The following STXBP3 variants were observed in gnomAD, a reference collection of about 807,000 sequenced individuals.
The protein encoded by STXBP3 is syntaxin-binding protein 3.
In STXBP3, 41 loss-of-function variants were observed where a neutral mutation model predicts 85.7. The observed-to-expected ratio is 0.48, with a 90% CI of 0.37 to 0.62. The LOEUF (loss-of-function observed/expected upper bound fraction) is 0.62, where lower values mean the gene tolerates loss of function less well. Ranked by LOEUF, STXBP3 falls within the 20% of genes least tolerant of loss-of-function variation. The pLI is 0.00. For missense variants in STXBP3, 563 were observed against 703.1 expected (o/e 0.80, Z 2.25); for synonymous variants, 229 against 231.7 (o/e 0.99, Z 0.10).
intron 6 of STXBP3, among the ~76,000 whole-genome samples, chr1:108,764,645 T>C (rs1662218831): frequency 6.6e-6 from 1 of 152,234 alleles, no homozygotes; most frequent in African/African-American, 2.4e-5. Context: ...TCTTTAATGA[T>C]CAGTGATTTG....
Position 108,752,696 on chromosome 1 carries a change from A to G in STXBP3, c.100-367A>G, listed in dbSNP as rs140542239. Among the ~76,000 whole-genome samples the G allele has an allele frequency of 9.2e-5, 14 of 152,306 alleles. No homozygotes were observed. In the East Asian group the frequency reaches 2.7e-3, roughly 29 times the overall value. The stretch of plus-strand genomic sequence containing the variant: ...AAAAATGGTGATGGTAATACCTCAT[A>G]TGGTAATTGTAAATATGAGGTGAAT... On this transcript the variant is annotated intron_variant, in intron 2 of 18. Transcript: ENST00000370008.
chr1:108,769,607 A>C (rs1007374749), intron 6 of STXBP3, among the ~76,000 whole-genome samples: 1 of 152,204 alleles, frequency 6.6e-6, no homozygotes, highest in Non-Finnish European at 1.5e-5. Context: ...AGGTTTATAA[A>C]GATGAAAAAA....
intron 3 of STXBP3, among the ~76,000 whole-genome samples, chr1:108,753,987 T>A (rs1661965222): frequency 2.0e-5 from 3 of 152,004 alleles, no homozygotes; most frequent in South Asian, 4.1e-4. Context: ...CTCAAGAAAG[T>A]CTGACCATAT....
At chr1:108,774,707 G>A (rs1383055605) in intron 7 of STXBP3, among the ~76,000 whole-genome samples, 2 of 145,022 alleles carry the variant, frequency 1.4e-5, no homozygotes, top group Non-Finnish European at 3.0e-5. Flanking sequence ...TCAAACTCCT[G>A]GGCTCAAGCA....
At chr1:108,750,965 G>T (rs1412612483) in intron 1 of STXBP3, among the ~76,000 whole-genome samples, 1 of 152,212 alleles carries the variant, frequency 6.6e-6, no homozygotes, top group African/African-American at 2.4e-5. Flanking sequence ...CTAAGCATAG[G>T]TGCTTCTATC....
In STXBP3 at chr1:108,771,627, TC is replaced by T. The variant is rs1461710561; in HGVS notation, c.439-1037del. Among the ~76,000 whole-genome samples the T allele has an allele frequency of 5.9e-3, 190 of 32,142 alleles. 61 individuals carry two copies. The highest frequency in any genetic ancestry group is 0.021 in the African/African-American group (184 of 8,924). 21.1% of individuals were successfully genotyped at this position (32,142 alleles called of 152,430 possible). On this transcript the variant is annotated intron_variant, in intron 6 of 18. Coordinates refer to ENST00000370008, the MANE Select transcript of STXBP3 (RefSeq NM_007269.4). ...AATATATATGATATATATCTATATA[TC>T]ATATATAAATATATATGATATATAT...
At chr1:108,796,405 T>C in intron 14 of STXBP3, 33 bp downstream of exon 14, 1 of 1,385,854 alleles carries the variant, frequency 7.2e-7, no homozygotes, top group Non-Finnish European at 1.0e-6. Flanking sequence ...AATAAGTATT[T>C]TACTATTGAT....
At chr1:108,774,018 G>T (rs908544472) in intron 7 of STXBP3, among the ~76,000 whole-genome samples, 1 of 151,970 alleles carries the variant, frequency 6.6e-6, no homozygotes, top group South Asian at 2.1e-4. Flanking sequence ...CAGCTCTCCC[G>T]TCCCTTTTCT....
chr1:108,777,256 A>G (rs952616958), intron 8 of STXBP3, among the ~76,000 whole-genome samples: 2 of 152,182 alleles, frequency 1.3e-5, no homozygotes, highest in African/African-American at 4.8e-5. Flanking sequence ...TAATGGGAAT[A>G]TAGTCCCGGG....
chr1:108,784,640 C>T (rs1457684602), intron 11 of STXBP3, among the ~76,000 whole-genome samples: 3 of 152,108 alleles, frequency 2.0e-5, no homozygotes, highest in Non-Finnish European at 4.4e-5. Flanking sequence ...CATGCCCTTC[C>T]AACAGTCCCC....
intron 17 of STXBP3, among the ~76,000 whole-genome samples, chr1:108,802,157 G>A (rs547527505): frequency 3.9e-5 from 6 of 152,224 alleles, no homozygotes; most frequent in Non-Finnish European, 5.9e-5. Flanking sequence ...AGCACTTTGG[G>A]AGGCCGAGGC....
rs1408712033 is a variant in STXBP3, at chr1:108,786,956, T to C, written c.963+4250T>C. ...AGTTTATCTCAGCCGCATTTTATAA[T>C]TTTCATTTTAGTGGTATTGCACATT... On this transcript the variant is annotated intron_variant, in intron 11 of 18. Transcript: ENST00000370008. Among the ~76,000 whole-genome samples the C allele has an allele frequency of 9.2e-5, 14 of 152,348 alleles. No homozygotes were observed. The East Asian group carries it at 2.1e-3, about 23-fold the overall frequency.
At chr1:108,782,545 C>T (rs1570764512) in intron 10 of STXBP3, 28 bp downstream of exon 10, 1 of 1,607,846 alleles carries the variant, frequency 6.2e-7, no homozygotes. Context: ...AATTTTTGTT[C>T]CATAATTTTT....
At chr1:108,782,176 C>G in intron 9 of STXBP3, 1 of 371,090 alleles carries the variant, frequency 2.7e-6, no homozygotes, top group Non-Finnish European at 4.8e-6. Context: ...TTTTGCTGAA[C>G]TAAAACTCTA....
Position 108,785,181 on chromosome 1 carries a change from A to T in STXBP3, c.963+2475A>T, listed in dbSNP as rs552824613. On this transcript the variant is annotated intron_variant, in intron 11 of 18. Coordinates refer to ENST00000370008, the MANE Select transcript of STXBP3 (RefSeq NM_007269.4). The stretch of plus-strand genomic sequence containing the variant: ...AACTATGTGTGGAGGTTCCAACCCC[A>T]CATTTCCCTTCTGCACTACCCTAGC... Among the ~76,000 whole-genome samples the T allele has an allele frequency of 5.3e-5, 8 of 152,304 alleles. No homozygotes were observed. In the East Asian group the frequency reaches 1.5e-3, roughly 29 times the overall value.
intron 11 of STXBP3, among the ~76,000 whole-genome samples, chr1:108,789,069 A>G (rs1413497762): frequency 3.3e-5 from 5 of 152,222 alleles, no homozygotes; most frequent in Admixed American, 1.3e-4. Flanking sequence ...ATGTAAAAAA[A>G]AATAAAATAA....
intron 7 of STXBP3, among the ~76,000 whole-genome samples, chr1:108,773,119 T>C (rs1662505146): frequency 6.6e-6 from 1 of 152,188 alleles, no homozygotes; most frequent in Non-Finnish European, 1.5e-5. Flanking sequence ...TTACAGTTAA[T>C]GTTTTTCATT....
At chr1:108,796,593 G>A (rs773459664) in intron 14 of STXBP3, 27 bp from the exon 15 acceptor site, 3 of 1,588,320 alleles carry the variant, frequency 1.9e-6, no homozygotes. Context: ...TTGTGTGATT[G>A]TGCACTCATA....
intron 11 of STXBP3, among the ~76,000 whole-genome samples, chr1:108,786,546 A>G (rs190815030): frequency 1.3e-5 from 2 of 152,352 alleles, no homozygotes; most frequent in Admixed American, 1.3e-4. Flanking sequence ...TGTAAAGACC[A>G]TCCTTTCACC....
Sources: gnomAD v4.1 joint callset for allele counts (sites outside exome capture counted in the v4.1 genomes callset) on GRCh38, gnomAD v4.1.1 for gene constraint, MANE v1.5 for transcripts, NCBI Gene and HGNC (gene_info 2026-07-23, HGNC 2026-07-21) for gene names.